KLF8: variants seen among roughly 807,000 people sequenced by gnomAD.
The protein encoded by KLF8 is KLF transcription factor 8.
KLF8 carries 10 observed loss-of-function variants against 18.2 expected under a neutral mutation model. The ratio of observed to expected loss-of-function variants is 0.55; its 90% confidence interval spans 0.34 to 0.93. The LOEUF (loss-of-function observed/expected upper bound fraction) is 0.93. Ranked by LOEUF, KLF8 falls within the 40% of genes least tolerant of loss-of-function variation. KLF8 has a pLI of 0.02. For missense variants in KLF8, 264 were observed against 277.9 expected (o/e 0.95, Z 0.36); for synonymous variants, 109 against 97.3 (o/e 1.12, Z -0.71).
the KLF8 span, among the ~76,000 whole-genome samples, chrX:56,184,668 G>C: frequency 9.0e-6 from 1 of 111,610 alleles, no homozygotes; most frequent in Non-Finnish European, 1.9e-5. Flanking sequence ...GTACTCCTCT[G>C]AGACAAAATT....
Position 56,265,263 on chromosome X carries a change from C to A in KLF8, c.165C>A (p.Asn55Lys). Reference protein sequence around the residue: ...NMTSPTLLDANPMENPALFND... With the variant: ...NMTSPTLLDAKPMENPALFND... ...CTTCTCCAACACTCCTGGATGCCAA[C>A]CCCATGGAGAACCCAGCACTGTTTA... The change falls in exon 3 of 6, where the codon AAC (asparagine) becomes AAA (lysine). Residue 55 changes from asparagine to lysine, a missense_variant. Physicochemically the swap from Asn to Lys is moderately conservative, Grantham distance 94. Transcript: ENST00000468660. The A allele has an allele frequency of 8.3e-7, 1 of 1,208,607 alleles. No homozygotes were observed. The highest frequency in any genetic ancestry group is 1.1e-6 in the Non-Finnish European group (1 of 893,524).
At chrX:56,215,581 G>C in the KLF8 span, among the ~76,000 whole-genome samples, 1 of 108,762 alleles carries the variant, frequency 9.2e-6, no homozygotes, top group Non-Finnish European at 1.9e-5. Context: ...CCAACACTTT[G>C]GGAGGCCGAG....
the KLF8 span, among the ~76,000 whole-genome samples, chrX:55,940,679 G>T: frequency 1.8e-5 from 2 of 111,787 alleles, no homozygotes; most frequent in Non-Finnish European, 3.8e-5. Flanking sequence ...CCTCAGAAAA[G>T]TCTCAGGATA....
At chrX:56,136,569 G>A in the KLF8 span, among the ~76,000 whole-genome samples, 2 of 111,389 alleles carry the variant, frequency 1.8e-5, no homozygotes, top group African/African-American at 6.5e-5. Flanking sequence ...AGCTGAAACT[G>A]GATCCCTTCC....
the KLF8 span, among the ~76,000 whole-genome samples, chrX:56,072,324 C>T: frequency 9.0e-6 from 1 of 111,529 alleles, no homozygotes; most frequent in African/African-American, 3.3e-5. Flanking sequence ...CAAGAAAAAG[C>T]CTCAACCAGC....
chrX:56,199,134 C>G, the KLF8 span, among the ~76,000 whole-genome samples: 3 of 112,069 alleles, frequency 2.7e-5, no homozygotes, highest in African/African-American at 9.7e-5. Flanking sequence ...ACCATAAAAA[C>G]CCTAGAAGAA....
At chrX:56,052,694 G>T in the KLF8 span, among the ~76,000 whole-genome samples, 1 of 112,219 alleles carries the variant, frequency 8.9e-6, no homozygotes, top group African/African-American at 3.2e-5. Flanking sequence ...GGACATTTAA[G>T]TCTGCAGAGG....
At chrX:56,064,137 A>T in the KLF8 span, among the ~76,000 whole-genome samples, 1 of 103,280 alleles carries the variant, frequency 9.7e-6, no homozygotes, top group Non-Finnish European at 1.9e-5. Context: ...ATATGTATAT[A>T]CATATATATG....
At chrX:56,058,181 C>CACAT in the KLF8 span, among the ~76,000 whole-genome samples, 172 of 85,845 alleles carry the variant, frequency 2.0e-3, 2 homozygotes, top group African/African-American at 7.3e-3. Flanking sequence ...TATATACACA[C>CACAT]ATATATATAT....
the KLF8 span, among the ~76,000 whole-genome samples, chrX:56,150,213 GAGA>G: frequency 4.5e-5 from 5 of 111,519 alleles, no homozygotes; most frequent in South Asian, 1.1e-3. Flanking sequence ...GAACAGAAAG[GAGA>G]AGGAGATAGA....
the KLF8 span, among the ~76,000 whole-genome samples, chrX:55,957,032 G>A: frequency 1.8e-5 from 2 of 110,440 alleles, no homozygotes; most frequent in African/African-American, 3.3e-5. Context: ...ATTTTGGGTC[G>A]TTAGGTCTTT....
At chrX:55,938,355 A>G in the KLF8 span, among the ~76,000 whole-genome samples, 18 of 111,843 alleles carry the variant, frequency 1.6e-4, no homozygotes, top group East Asian at 3.4e-3. Context: ...GGCCTGCCCT[A>G]AAAGAGCTCC....
At chrX:55,944,700 G>A in the KLF8 span, among the ~76,000 whole-genome samples, 254 of 110,735 alleles carry the variant, frequency 2.3e-3, 1 homozygote, top group South Asian at 6.9e-3. Context: ...TTTTTATTGC[G>A]TCTATTTGAT....
the KLF8 span, among the ~76,000 whole-genome samples, chrX:56,190,556 CAAAG>C: frequency 8.1e-5 from 9 of 111,306 alleles, no homozygotes; most frequent in African/African-American, 2.9e-4. Flanking sequence ...GTATCATTCT[CAAAG>C]AAACATCATA....
chrX:55,954,021 A>G, the KLF8 span, among the ~76,000 whole-genome samples: 1 of 109,768 alleles, frequency 9.1e-6, no homozygotes, highest in African/African-American at 3.3e-5. Context: ...GAAATAACCC[A>G]TAGAATAGGA....
the KLF8 span, among the ~76,000 whole-genome samples, chrX:56,037,530 G>T: frequency 2.7e-5 from 3 of 111,507 alleles, no homozygotes; most frequent in Non-Finnish European, 5.7e-5. Flanking sequence ...CAGCAGTGAA[G>T]CCAGCTGGTT....
the KLF8 span, chrX:55,961,475 A>G: frequency 5.5e-6 from 3 of 550,155 alleles, no homozygotes. Context: ...GCCACAAAAA[A>G]TTTGGACAAA....
the KLF8 span, among the ~76,000 whole-genome samples, chrX:56,184,925 A>T: frequency 8.9e-6 from 1 of 112,425 alleles, no homozygotes; most frequent in Non-Finnish European, 1.9e-5. Context: ...AGATGGGGAA[A>T]AAACAGAGAA....
the KLF8 span, among the ~76,000 whole-genome samples, chrX:56,035,622 A>T: frequency 8.9e-6 from 1 of 111,961 alleles, no homozygotes; most frequent in Non-Finnish European, 1.9e-5. Flanking sequence ...CCTTGCCAAC[A>T]TATGTTATTT....
Sources: gnomAD v4.1 joint callset for allele counts (sites outside exome capture counted in the v4.1 genomes callset) on GRCh38, gnomAD v4.1.1 for gene constraint, MANE v1.5 for transcripts, NCBI Gene and HGNC (gene_info 2026-07-23, HGNC 2026-07-21) for gene names.